HSPH1: variants seen among roughly 807,000 people sequenced by gnomAD.
The protein encoded by HSPH1 is heat shock protein 105 kDa.
A neutral mutation model predicts 100.0 loss-of-function variants in HSPH1; 40 were observed. The observed-to-expected ratio is 0.40, with a 90% CI of 0.31 to 0.52. The LOEUF (loss-of-function observed/expected upper bound fraction) is 0.52, where lower values mean the gene tolerates loss of function less well. HSPH1 is among the 20% of genes least tolerant of loss of function. HSPH1 has a pLI of 0.54. For synonymous variants in HSPH1, 403 were observed against 344.0 expected (o/e 1.17, Z -1.90); for missense variants, 876 against 1,015.1 (o/e 0.86, Z 1.86).
Position 31,161,535 on chromosome 13 carries a change from C to G in HSPH1, c.48G>C (p.Ala16=). Residue 16 remains alanine, a synonymous_variant, in exon 1 of 18, where the codon GCG becomes GCC. Coordinates refer to ENST00000320027, the MANE Select transcript of HSPH1 (RefSeq NM_006644.4). The stretch of plus-strand genomic sequence containing the variant: ...TCTCGATGCCCCCGGCCCGGGCTAC[C>G]GCGATGTAGCAGCTCTGCGAGCCCA... The part of the protein sequence containing the change: ...LDVGSQSCYI[A]VARAGGIETI... 1 of 1,613,962 alleles carries G rather than the reference C, an allele frequency of 6.2e-7. No homozygotes were observed. Among genetic ancestry groups the G allele is most frequent in the Non-Finnish European group, 8.5e-7 (1 of 1,179,954 alleles).
In HSPH1 at chr13:31,152,877, T is replaced by C. The variant is rs1417807148; in HGVS notation, c.504A>G (p.Leu168=). The change falls in exon 5 of 18, where the codon TTA becomes TTG. Residue 168 remains leucine (L), a synonymous_variant. Transcript: ENST00000320027. ...CAGCTGTCATGTCATTCATAAGTCT[T>C]AAACAGTTTAGGCCAACAATCTGTG... The part of the protein sequence containing the change: ...DAAQIVGLNC[L]RLMNDMTAVA... 6.2e-7 allele frequency: 1 copy of C among 1,612,250 alleles called. No homozygotes were observed. Among genetic ancestry groups the C allele is most frequent in the Admixed American group, 1.7e-5 (1 of 59,970 alleles).
chr13:31,150,566 G>T (rs1479790274), intron 7 of HSPH1, among the ~76,000 whole-genome samples: 1 of 152,106 alleles, frequency 6.6e-6, no homozygotes. Context: ...TGTGACCATA[G>T]GCATGTACCA....
Position 31,141,148 on chromosome 13 carries a change from G to A in HSPH1, c.1828C>T (p.Leu610Phe). The A allele has an allele frequency of 6.2e-7, 1 of 1,601,718 alleles. No individual in the cohort carries two copies. Among genetic ancestry groups the A allele is most frequent in the Non-Finnish European group, 8.5e-7 (1 of 1,172,420 alleles). ...ANLVWQLGKD[L>F]LNMYIETEGK... ...TCTGTCTCAATATACATGTTAAGAAGGTCTTTCCCTAACTGCCAGACCAAG... is the reference window on the plus strand; with the variant it reads ...TCTGTCTCAATATACATGTTAAGAAAGTCTTTCCCTAACTGCCAGACCAAG... Residue 610 changes from leucine to phenylalanine, a missense_variant, in exon 13 of 18, where the codon CTT (leucine) becomes TTT (phenylalanine). Coordinates refer to ENST00000320027, the MANE Select transcript of HSPH1 (RefSeq NM_006644.4).
intron 5 of HSPH1, 150 bp downstream of exon 5, chr13:31,152,702 C>T: frequency 1.8e-6 from 1 of 565,854 alleles, no homozygotes; most frequent in Non-Finnish European, 3.2e-6. Flanking sequence ...TCTCATTAAC[C>T]ATAAGCATTT....
In HSPH1 at chr13:31,161,698, C is replaced by G. The variant is rs1451471122; in HGVS notation, c.-116G>C. ...CGCGTTCTGCTCCGGCCCGCGGGGT[C>G]TGGCCGTTCCTCTGACACTCAGAAG... On this transcript the variant is annotated 5_prime_UTR_variant, in exon 1 of 18. Transcript: ENST00000320027. The G allele has an allele frequency of 3.2e-6, 5 of 1,539,848 alleles. No homozygotes were observed. The highest frequency in any genetic ancestry group is 3.9e-5 in the Admixed American group (2 of 51,292).
intron 2 of HSPH1, 41 bp downstream of exon 2, chr13:31,158,765 C>T (rs560743376): frequency 5.5e-6 from 7 of 1,277,066 alleles, no homozygotes; most frequent in African/African-American, 1.5e-5. Context: ...TTTAAAAACT[C>T]CCCCCTTAAA....
chr13:31,156,550 G>A (rs979602803), intron 2 of HSPH1, among the ~76,000 whole-genome samples: 6 of 144,216 alleles, frequency 4.2e-5, no homozygotes, highest in African/African-American at 1.6e-4. Flanking sequence ...GGTAACAAGG[G>A]TGAAACTCAT....
At chr13:31,142,195 T>C (rs1316822445) in intron 12 of HSPH1, among the ~76,000 whole-genome samples, 2 of 152,052 alleles carry the variant, frequency 1.3e-5, no homozygotes, top group East Asian at 3.9e-4. Context: ...ATCATAGCCA[T>C]AGATAATTTT....
In HSPH1 at chr13:31,143,764, A is replaced by G. The variant is rs951679655; in HGVS notation, c.1716+28T>C. The G allele has an allele frequency of 3.2e-6, 5 of 1,582,010 alleles. No homozygotes were observed. The Admixed American group carries it at 7.2e-5, about 23-fold the overall frequency. On this transcript the variant is annotated intron_variant, in intron 12 of 17. Transcript: ENST00000320027. ...ATGATTACACTTTGCAACATTGTCTAATGGAATGAACTAGAAGAGTCACTC... is the reference window on the plus strand; with the variant it reads ...ATGATTACACTTTGCAACATTGTCTGATGGAATGAACTAGAAGAGTCACTC...
intron 10 of HSPH1, among the ~76,000 whole-genome samples, chr13:31,146,119 G>A (rs1593191362): frequency 1.3e-5 from 2 of 152,196 alleles, no homozygotes; most frequent in East Asian, 3.9e-4. Context: ...TGGTGACAAA[G>A]TGAGACCGTG....
intron 8 of HSPH1, 81 bp downstream of exon 8, chr13:31,149,871 CTG>C: frequency 9.2e-7 from 1 of 1,081,848 alleles, no homozygotes; most frequent in South Asian, 1.3e-5. Flanking sequence ...ACACAGGTCT[CTG>C]TTTATTATCC....
intron 7 of HSPH1, 131 bp from the exon 8 acceptor site, chr13:31,150,313 T>C (rs1956440464): frequency 1.6e-6 from 1 of 624,658 alleles, no homozygotes; most frequent in East Asian, 2.8e-5. Flanking sequence ...TTAGCTGTAT[T>C]GTAGTTTATA....
At chr13:31,156,026 T>C (rs571613149) in intron 2 of HSPH1, among the ~76,000 whole-genome samples, 1 of 152,330 alleles carries the variant, frequency 6.6e-6, no homozygotes, top group Admixed American at 6.5e-5. Flanking sequence ...CCTGCTAAAC[T>C]TGTGAGGTTT....
intron 1 of HSPH1, 124 bp downstream of exon 1, chr13:31,161,352 G>A (rs1270203527): frequency 1.8e-5 from 26 of 1,474,534 alleles, no homozygotes; most frequent in Non-Finnish European, 2.4e-5. Flanking sequence ...TTCCACGGAG[G>A]GGTGCGCCGC....
At position 31,161,606 on chromosome 13, in the gene HSPH1, C is replaced by T; in HGVS notation, c.-24G>A. ...ATGGCCGGCTCGCGGTCCGCCTCCG[C>T]CTCGGGTCTCGGTCTGCGTCCTCCG... On this transcript the variant is annotated 5_prime_UTR_variant, in exon 1 of 18. Transcript: ENST00000320027. 6.2e-7 allele frequency: 1 copy of T among 1,610,478 alleles called. No homozygotes were observed. The highest frequency in any genetic ancestry group is 8.5e-7 in the Non-Finnish European group (1 of 1,179,410).
intron 11 of HSPH1, 44 bp downstream of exon 11, chr13:31,145,519 T>C (rs762738869): frequency 6.8e-7 from 1 of 1,479,000 alleles, no homozygotes. Flanking sequence ...AGCTTAGAAC[T>C]AAGTCAACTC....
chr13:31,140,942 T>C (rs1308252276), intron 13 of HSPH1, 180 bp downstream of exon 13: 2 of 417,990 alleles, frequency 4.8e-6, no homozygotes, highest in Non-Finnish European at 8.3e-6. Flanking sequence ...AGCAGAAAGA[T>C]TTTTTTGTTA....
intron 14 of HSPH1, among the ~76,000 whole-genome samples, chr13:31,139,755 G>T (rs1593714052): frequency 6.6e-6 from 1 of 152,122 alleles, no homozygotes; most frequent in South Asian, 2.1e-4. Flanking sequence ...CATACTAACT[G>T]GGAGTCAAGA....
At chr13:31,156,368 C>T (rs909119549) in intron 2 of HSPH1, among the ~76,000 whole-genome samples, 3 of 151,118 alleles carry the variant, frequency 2.0e-5, no homozygotes, top group African/African-American at 7.3e-5. Context: ...CCAGCCTGGG[C>T]GACAGAGCGA....
Sources: allele counts gnomAD v4.1 joint callset (sites outside exome capture counted in the v4.1 genomes callset), GRCh38; gene constraint gnomAD v4.1.1; transcripts MANE v1.5; gene names NCBI Gene and HGNC (gene_info 2026-07-23, HGNC 2026-07-21).